The following RBMS3 variants were observed in gnomAD, a reference collection of about 807,000 sequenced individuals.
The protein encoded by RBMS3 is RNA binding motif single stranded interacting protein 3.
Under a neutral mutation model 66.8 loss-of-function variants are expected in RBMS3, and 27 were observed. That is an observed-to-expected ratio of 0.40 (90% CI 0.30 to 0.56). The LOEUF (loss-of-function observed/expected upper bound fraction) is 0.56. Ranked by LOEUF, RBMS3 falls within the 20% of genes least tolerant of loss-of-function variation. The probability of loss-of-function intolerance (pLI) is 0.40; values close to 1 mark genes in which losing one functional copy is unlikely to be tolerated. For missense variants in RBMS3, 513 were observed against 549.5 expected, an observed-to-expected ratio of 0.93 and a Z score of 0.66; for synonymous variants, 188 against 183.0, an observed-to-expected ratio of 1.03 and a Z score of -0.22.
At chr3:29,860,797 A>G (rs1328373050) in intron 6 of RBMS3, among the ~76,000 whole-genome samples, 1 of 152,226 alleles carries the variant, frequency 6.6e-6, no homozygotes, top group Non-Finnish European at 1.5e-5. Flanking sequence ...ATCCATTAGT[A>G]TGAACAGCTT....
chr3:29,899,424 G>T (rs955629362), intron 9 of RBMS3, among the ~76,000 whole-genome samples: 2 of 151,654 alleles, frequency 1.3e-5, no homozygotes, highest in African/African-American at 4.8e-5. Flanking sequence ...AAACTTTAGC[G>T]TTCAACATCA....
intron 4 of RBMS3, among the ~76,000 whole-genome samples, chr3:29,694,213 A>G (rs1326045759): frequency 6.6e-6 from 1 of 152,058 alleles, no homozygotes; most frequent in African/African-American, 2.4e-5. Context: ...TCTGCTTCTG[A>G]TATCTGTTTT....
intron 7 of RBMS3, among the ~76,000 whole-genome samples, chr3:29,876,539 G>A (rs1486265621): frequency 6.6e-6 from 1 of 152,170 alleles, no homozygotes; most frequent in Non-Finnish European, 1.5e-5. Flanking sequence ...ATCAAGATGA[G>A]CATGACTAGC....
chr3:29,460,627 G>C (rs2042341091), intron 2 of RBMS3, among the ~76,000 whole-genome samples: 1 of 152,162 alleles, frequency 6.6e-6, no homozygotes, highest in Admixed American at 6.5e-5. Context: ...AGCTGAGTAA[G>C]GACAAAGGTG....
intron 1 of RBMS3, among the ~76,000 whole-genome samples, chr3:29,431,375 C>T (rs2041191108): frequency 6.8e-6 from 1 of 147,208 alleles, no homozygotes; most frequent in South Asian, 2.1e-4. Context: ...TCACTGCAAC[C>T]TCTGACTCTC....
chr3:29,991,447 G>T, intron 14 of RBMS3: 5 of 525,950 alleles, frequency 9.5e-6, no homozygotes, highest in Non-Finnish European at 1.6e-5. Flanking sequence ...ATGCATCTCT[G>T]CTTCTGGGTG....
chr3:29,964,596 C>T (rs1696706631), intron 12 of RBMS3, among the ~76,000 whole-genome samples: 2 of 152,182 alleles, frequency 1.3e-5, no homozygotes, highest in Admixed American at 1.3e-4. Context: ...ACAGTTTCTT[C>T]TTTCCTTCAT....
chr3:29,931,274 T>C (rs1413426973), intron 10 of RBMS3, among the ~76,000 whole-genome samples: 4 of 152,196 alleles, frequency 2.6e-5, no homozygotes, highest in African/African-American at 9.7e-5. Flanking sequence ...TCTTCCCTCT[T>C]GAAAGATGTA....
intron 1 of RBMS3, among the ~76,000 whole-genome samples, chr3:29,389,264 T>A (rs1036427651): frequency 6.6e-6 from 1 of 151,982 alleles, no homozygotes; most frequent in Non-Finnish European, 1.5e-5. Flanking sequence ...TGTTAACACA[T>A]TCCACCCTTG....
intron 4 of RBMS3, among the ~76,000 whole-genome samples, chr3:29,592,610 A>G (rs1409993133): frequency 6.6e-6 from 1 of 152,178 alleles, no homozygotes; most frequent in Non-Finnish European, 1.5e-5. Flanking sequence ...TGATTCCTCA[A>G]GGATCTAGAA....
At chr3:29,569,126 G>A (rs2046847099) in intron 3 of RBMS3, among the ~76,000 whole-genome samples, 3 of 152,100 alleles carry the variant, frequency 2.0e-5, no homozygotes, top group Admixed American at 2.0e-4. Context: ...CTCAGGCGAG[G>A]TGCTTTTGAT....
intron 1 of RBMS3, among the ~76,000 whole-genome samples, chr3:29,344,112 C>G (rs1420781559): frequency 1.3e-5 from 2 of 152,074 alleles, no homozygotes; most frequent in East Asian, 3.9e-4. Flanking sequence ...CATTTTTCTC[C>G]CTTTTCTCCT....
chr3:29,409,059 C>T (rs895478679), intron 1 of RBMS3, among the ~76,000 whole-genome samples: 6 of 152,296 alleles, frequency 3.9e-5, no homozygotes, highest in Middle Eastern at 3.4e-3. Context: ...GATGAGAAAA[C>T]AGCCTCTGTC....
intron 3 of RBMS3, among the ~76,000 whole-genome samples, chr3:29,571,853 T>C (rs13325285): frequency 0.062 from 9,429 of 152,214 alleles, 566 homozygotes; most frequent in East Asian, 0.31. Context: ...AATCAGTAGA[T>C]TGTTTTGGAT....
At chr3:29,536,447 A>G (rs2045560792) in intron 3 of RBMS3, among the ~76,000 whole-genome samples, 1 of 152,134 alleles carries the variant, frequency 6.6e-6, no homozygotes, top group South Asian at 2.1e-4. Context: ...CTTCCTTATC[A>G]CTGCGTCATG....
intron 6 of RBMS3, among the ~76,000 whole-genome samples, chr3:29,817,033 G>A (rs866731723): frequency 2.6e-5 from 4 of 152,086 alleles, no homozygotes; most frequent in Non-Finnish European, 5.9e-5. Flanking sequence ...AGAGGTTGCC[G>A]TGAGCCGAGA....
intron 3 of RBMS3, among the ~76,000 whole-genome samples, chr3:29,523,931 C>G (rs1360350746): frequency 6.6e-6 from 1 of 151,804 alleles, no homozygotes; most frequent in South Asian, 2.1e-4. Context: ...GAGATGAGGT[C>G]CCCGTATGTT....
At chr3:29,928,557 G>C (rs1200041410) in intron 10 of RBMS3, among the ~76,000 whole-genome samples, 1 of 152,052 alleles carries the variant, frequency 6.6e-6, no homozygotes, top group Non-Finnish European at 1.5e-5. Context: ...GCAAAGCAAA[G>C]ACTAAGGACT....
chr3:29,430,968 G>A (rs1189212544), intron 1 of RBMS3, among the ~76,000 whole-genome samples: 4 of 152,244 alleles, frequency 2.6e-5, no homozygotes, highest in Middle Eastern at 3.4e-3. Flanking sequence ...AAGCCACCTC[G>A]GCAAGCATGT....
Sources: gnomAD v4.1 joint callset for allele counts (sites outside exome capture counted in the v4.1 genomes callset) on GRCh38, gnomAD v4.1.1 for gene constraint, MANE v1.5 for transcripts, NCBI Gene and HGNC (gene_info 2026-07-23, HGNC 2026-07-21) for gene names.